WDR70: variants seen among roughly 807,000 people sequenced by gnomAD.
WDR70 encodes the protein WD repeat domain 70, also known as WD repeat-containing protein 70.
A neutral mutation model predicts 88.6 loss-of-function variants in WDR70; 53 were observed. The observed-to-expected ratio is 0.60, with a 90% confidence interval of 0.48 to 0.75. WDR70 has a LOEUF of 0.75. WDR70 is among the 30% of genes least tolerant of loss of function. WDR70 has a pLI of 0.00. For missense variants in WDR70, 610 were observed against 823.2 expected (o/e 0.74, Z 3.17); for synonymous variants, 280 against 270.0 (o/e 1.04, Z -0.36).
At chr5:37,706,330 T>G (rs1159295620) in intron 13 of WDR70, among the ~76,000 whole-genome samples, 1 of 152,242 alleles carries the variant, frequency 6.6e-6, no homozygotes. Flanking sequence ...AGACATTCCC[T>G]TGTAGTCTAA....
chr5:37,418,648 T>C (rs554713603), intron 5 of WDR70, among the ~76,000 whole-genome samples: 11 of 152,366 alleles, frequency 7.2e-5, no homozygotes, highest in African/African-American at 2.4e-4. Context: ...TACCTTCTTC[T>C]ATATTCATAG....
intron 10 of WDR70, among the ~76,000 whole-genome samples, chr5:37,636,608 A>G (rs537584389): frequency 2.0e-5 from 3 of 152,212 alleles, no homozygotes; most frequent in Admixed American, 6.5e-5. Context: ...TTGACATCAT[A>G]TAAATCTTGA....
chr5:37,661,087 A>G (rs1008352858), intron 10 of WDR70, among the ~76,000 whole-genome samples: 15 of 152,214 alleles, frequency 9.9e-5, no homozygotes, highest in Non-Finnish European at 1.8e-4. Context: ...CCTGTAGCCA[A>G]TCCCCACAGA....
chr5:37,671,979 A>G (rs1038994533), intron 10 of WDR70, among the ~76,000 whole-genome samples: 4 of 152,178 alleles, frequency 2.6e-5, no homozygotes, highest in Non-Finnish European at 4.4e-5. Context: ...CTGTATTTGA[A>G]CAATTGTTTT....
At chr5:37,454,388 A>C (rs1309875302) in intron 7 of WDR70, among the ~76,000 whole-genome samples, 1 of 152,196 alleles carries the variant, frequency 6.6e-6, no homozygotes, top group Admixed American at 6.5e-5. Context: ...TATGATTTCC[A>C]TTCATTTTAT....
At chr5:37,645,267 T>G (rs1745202634) in intron 10 of WDR70, among the ~76,000 whole-genome samples, 1 of 152,018 alleles carries the variant, frequency 6.6e-6, no homozygotes, top group Admixed American at 6.6e-5. Flanking sequence ...TTATGTTGTT[T>G]CATTTCGATT....
intron 5 of WDR70, among the ~76,000 whole-genome samples, chr5:37,409,166 TGACCTCAGGTGATCC>T (rs1264850706): frequency 6.6e-6 from 1 of 152,162 alleles, no homozygotes; most frequent in Admixed American, 6.6e-5. Context: ...CTCGAACTCC[TGACCTCAGGTGATCC>T]ACCCGCCTCG....
intron 17 of WDR70, among the ~76,000 whole-genome samples, chr5:37,732,884 G>T (rs1420383597): frequency 6.6e-6 from 1 of 151,914 alleles, no homozygotes; most frequent in East Asian, 1.9e-4. Flanking sequence ...CACTTTTGGG[G>T]TTTTATTTAG....
At chr5:37,685,370 G>A (rs1264022196) in intron 10 of WDR70, among the ~76,000 whole-genome samples, 1 of 152,070 alleles carries the variant, frequency 6.6e-6, no homozygotes, top group African/African-American at 2.4e-5. Context: ...GGGCAGGCTG[G>A]TGCATGGCCA....
rs1171494253 is a variant in WDR70, at chr5:37,381,685, G to C, written c.175G>C (p.Glu59Gln). The change falls in exon 3 of 18, where the codon GAA (glutamate) becomes CAA (glutamine). Residue 59 changes from glutamate to glutamine, a missense_variant and splice_region_variant. This residue lies in a region of WDR70 where 203 missense variants were observed against 228.1 expected (regional missense o/e 0.89). Coordinates refer to ENST00000265107, the MANE Select transcript of WDR70 (RefSeq NM_018034.4). ...TAVERSRKTL[E>Q]AREKEEEMNR... is the part of the protein sequence containing the mutation. ...TGTGGAAAGAAGTCGCAAAACACTG[G>C]GTAAGAAGCTCAGATATTTGTTCTT... The C allele has an allele frequency of 1.9e-6, 3 of 1,609,284 alleles. No homozygotes were observed. The highest frequency in any genetic ancestry group is 2.2e-5 in the South Asian group (2 of 90,990).
intron 9 of WDR70, among the ~76,000 whole-genome samples, chr5:37,577,294 C>T (rs945835032): frequency 8.6e-5 from 13 of 152,026 alleles, no homozygotes; most frequent in African/African-American, 2.7e-4. Flanking sequence ...GCCTAGGCAA[C>T]AGAGTGAGAC....
At chr5:37,678,159 C>T (rs2112609852) in intron 10 of WDR70, among the ~76,000 whole-genome samples, 1 of 152,260 alleles carries the variant, frequency 6.6e-6, no homozygotes, top group African/African-American at 2.4e-5. Context: ...GAATACAGCA[C>T]ACTGATGGGT....
At chr5:37,546,044 GATA>G (rs1469395486) in intron 9 of WDR70, among the ~76,000 whole-genome samples, 2 of 152,068 alleles carry the variant, frequency 1.3e-5, no homozygotes, top group African/African-American at 2.4e-5. Context: ...TCCAATATAA[GATA>G]ATAAAATATT....
At chr5:37,709,487 A>G (rs1302900906) in intron 13 of WDR70, among the ~76,000 whole-genome samples, 1 of 152,232 alleles carries the variant, frequency 6.6e-6, no homozygotes, top group Admixed American at 6.5e-5. Flanking sequence ...GCACTTGCTC[A>G]CTGAGAACAG....
At chr5:37,590,428 A>C (rs183014198) in intron 9 of WDR70, among the ~76,000 whole-genome samples, 9 of 152,278 alleles carry the variant, frequency 5.9e-5, no homozygotes, top group Non-Finnish European at 1.2e-4. Context: ...TTTGAGGTTC[A>C]TCTATGTTGT....
At chr5:37,599,650 TG>T (rs1251270467) in intron 9 of WDR70, among the ~76,000 whole-genome samples, 1 of 152,012 alleles carries the variant, frequency 6.6e-6, no homozygotes, top group Admixed American at 6.6e-5. Flanking sequence ...TCAGCACTTT[TG>T]AAGGCTGAGG....
At chr5:37,415,405 G>T (rs868856915) in intron 5 of WDR70, among the ~76,000 whole-genome samples, 1 of 70,364 alleles carries the variant, frequency 1.4e-5, no homozygotes, top group Non-Finnish European at 4.2e-5. Context: ...CTGGCCGGGC[G>T]GGGGGCTGAC....
intron 7 of WDR70, among the ~76,000 whole-genome samples, chr5:37,461,149 A>C (rs538615992): frequency 5.9e-5 from 9 of 151,446 alleles, no homozygotes; most frequent in African/African-American, 2.2e-4. Flanking sequence ...AACAAACCCC[A>C]GAATAATGAA....
chr5:37,439,390 T>G (rs978332556), intron 6 of WDR70, among the ~76,000 whole-genome samples: 4 of 152,168 alleles, frequency 2.6e-5, no homozygotes, highest in African/African-American at 9.6e-5. Context: ...TTTGTGTTTT[T>G]AAGTAAATAA....
Sources: gnomAD v4.1 joint callset for allele counts (sites outside exome capture counted in the v4.1 genomes callset) on GRCh38, gnomAD v4.1.1 for gene constraint, gnomAD v4.1.1 regional missense constraint, MANE v1.5 for transcripts, NCBI Gene and HGNC (gene_info 2026-07-23, HGNC 2026-07-21) for gene names.